Variants in C5orf24 observed in about 807,000 individuals in gnomAD.
C5orf24 encodes the protein UPF0461 protein C5orf24.
C5orf24 carries 4 observed loss-of-function variants against 9.8 expected under a neutral mutation model. The ratio of observed to expected loss-of-function variants is 0.41; its 90% CI spans 0.20 to 0.93. The LOEUF is 0.93. Ranked by LOEUF, C5orf24 falls within the 40% of genes least tolerant of loss-of-function variation. The pLI is 0.33. For missense variants in C5orf24, 170 were observed against 236.9 expected, an observed-to-expected ratio of 0.72 and a Z score of 1.85; for synonymous variants, 73 against 81.3, an observed-to-expected ratio of 0.90 and a Z score of 0.55.
Position 134,856,085 on chromosome 5 carries a change from T to A in C5orf24, c.*618T>A, listed in dbSNP as rs1756302781. 1 of 1,000,560 alleles carries A rather than the reference T, an allele frequency of 1.0e-6. No homozygotes were observed. Among genetic ancestry groups the A allele is most frequent in the African/African-American group, 1.7e-5 (1 of 57,268 alleles). 62.0% of individuals were successfully genotyped at this position (1,000,560 alleles called of 1,614,324 possible). On this transcript the variant is annotated 3_prime_UTR_variant, in exon 2 of 2. Coordinates refer to ENST00000394976, the MANE Select transcript of C5orf24 (RefSeq NM_001135586.1). Reference sequence around the variant, plus strand: ...ATTGATTTAACCATTATACCTGAAATAATTCTTCAGTGTTTGCCTTTGAGC... The same window carrying A: ...ATTGATTTAACCATTATACCTGAAAAAATTCTTCAGTGTTTGCCTTTGAGC...
chr5:134,840,855 T>C (rs892141844), upstream of C5orf24, among the ~76,000 whole-genome samples: 1 of 152,202 alleles, frequency 6.6e-6, no homozygotes, highest in African/African-American at 2.4e-5. Context: ...ATCTGAGCCT[T>C]GGTATCCAGA....
At chr5:134,849,527 C>G (rs183638483) in intron 1 of C5orf24, among the ~76,000 whole-genome samples, 1 of 151,738 alleles carries the variant, frequency 6.6e-6, no homozygotes, top group Non-Finnish European at 1.5e-5. Flanking sequence ...ATATTAAATT[C>G]CTTGTCCAGC....
At chr5:134,838,294 AT>A in the C5orf24 span, among the ~76,000 whole-genome samples, 1 of 152,228 alleles carries the variant, frequency 6.6e-6, no homozygotes, top group Non-Finnish European at 1.5e-5. Flanking sequence ...GAAAAATGTT[AT>A]ATTGAGTTCA....
At chr5:134,843,540 G>A (rs931020833), upstream of C5orf24, among the ~76,000 whole-genome samples, 5 of 151,854 alleles carry the variant, frequency 3.3e-5, no homozygotes, top group East Asian at 1.9e-4. Flanking sequence ...CGATCCTCCC[G>A]CCTCAGCCTA....
upstream of C5orf24, among the ~76,000 whole-genome samples, chr5:134,841,224 C>G (rs1461481285): frequency 6.6e-6 from 1 of 151,782 alleles, no homozygotes; most frequent in Non-Finnish European, 1.5e-5. Context: ...GTAAAAATAA[C>G]GTTTGTAGTT....
At chr5:134,850,159 T>C (rs1384866209) in intron 1 of C5orf24, among the ~76,000 whole-genome samples, 1 of 152,102 alleles carries the variant, frequency 6.6e-6, no homozygotes, top group Admixed American at 6.5e-5. Flanking sequence ...TTTTTGTTTG[T>C]TTTCTTTGAG....
chr5:134,850,046 C>T (rs564833072), intron 1 of C5orf24, among the ~76,000 whole-genome samples: 1 of 152,078 alleles, frequency 6.6e-6, no homozygotes, highest in South Asian at 2.1e-4. Flanking sequence ...TGGAGTTGGC[C>T]CTCAATAAAT....
chr5:134,842,763 A>C (rs1467136982), upstream of C5orf24, among the ~76,000 whole-genome samples: 1 of 152,138 alleles, frequency 6.6e-6, no homozygotes, highest in Non-Finnish European at 1.5e-5. Context: ...TCTCCAGACT[A>C]AAGTGGCATT....
chr5:134,834,160 C>G, the C5orf24 span, among the ~76,000 whole-genome samples: 28 of 152,290 alleles, frequency 1.8e-4, no homozygotes, highest in African/African-American at 5.5e-4. Context: ...ATATTAGTCT[C>G]TCTTCACAAC....
At chr5:134,845,025 C>G (rs922012640), upstream of C5orf24, among the ~76,000 whole-genome samples, 3 of 152,202 alleles carry the variant, frequency 2.0e-5, no homozygotes, top group Admixed American at 6.5e-5. Flanking sequence ...CGTGAGCCAC[C>G]GCACCCAGGC....
At chr5:134,849,533 C>T (rs1756096805) in intron 1 of C5orf24, among the ~76,000 whole-genome samples, 1 of 151,596 alleles carries the variant, frequency 6.6e-6, no homozygotes, top group African/African-American at 2.4e-5. Context: ...AATTCCTTGT[C>T]CAGCTTGTTT....
the C5orf24 span, among the ~76,000 whole-genome samples, chr5:134,836,521 T>C: frequency 6.6e-6 from 1 of 151,896 alleles, no homozygotes; most frequent in South Asian, 2.1e-4. Flanking sequence ...AATTTTACTT[T>C]GTGTAAGGTT....
chr5:134,856,306 G>A lies in C5orf24; in HGVS notation c.*839G>A. On this transcript the variant is annotated 3_prime_UTR_variant, in exon 2 of 2. Coordinates refer to ENST00000394976, the MANE Select transcript of C5orf24 (RefSeq NM_001135586.1). ...TTCTCTAGGTTTGCATGTAGCTATAGTCACTATATTTTGCCTTTCATATAG... is the reference window on the plus strand; with the variant it reads ...TTCTCTAGGTTTGCATGTAGCTATAATCACTATATTTTGCCTTTCATATAG... 3 of 993,636 alleles carry A rather than the reference G, an allele frequency of 3.0e-6. No individual in the cohort carries two copies. Among genetic ancestry groups the A allele is most frequent in the Non-Finnish European group, 2.4e-6 (2 of 824,310 alleles). 61.6% of individuals were successfully genotyped at this position (993,636 alleles called of 1,614,324 possible).
rs908047378 is a variant in C5orf24 at position 134,858,337 on chromosome 5, A to G, written c.*2870A>G. ...GTGATAACATGAATGAAGTCTTAAA[A>G]TTTAAAGTATTTTTACTGCTATATA... On this transcript the variant is annotated 3_prime_UTR_variant, in exon 2 of 2. Coordinates refer to ENST00000394976, the MANE Select transcript of C5orf24 (RefSeq NM_001135586.1). The G allele has an allele frequency of 2.4e-5, 4 of 167,088 alleles. No homozygotes were observed. Among genetic ancestry groups the G allele is most frequent in the Admixed American group, 2.0e-4 (3 of 15,280 alleles). 10.4% of individuals were successfully genotyped at this position (167,088 alleles called of 1,614,324 possible). A position where few individuals can be genotyped will look rare whatever the true frequency, so the allele number is the denominator to read the frequency against.
In C5orf24 at chr5:134,856,060, A is replaced by T. The variant is rs1756302178; in HGVS notation, c.*593A>T. 4 of 1,000,966 alleles carry T rather than the reference A, an allele frequency of 4.0e-6. No homozygotes were observed. In the South Asian group the frequency reaches 1.9e-4, roughly 47 times the overall value. 62.0% of individuals were successfully genotyped at this position (1,000,966 alleles called of 1,614,324 possible). ...TAATTTATTGATCTACATGGCATTAATTGATTTAACCATTATACCTGAAAT... is the reference window on the plus strand; with the variant it reads ...TAATTTATTGATCTACATGGCATTATTTGATTTAACCATTATACCTGAAAT... On this transcript the variant is annotated 3_prime_UTR_variant, in exon 2 of 2. Transcript: ENST00000394976.
chr5:134,854,862 G>A, intron 1 of C5orf24, 36 bp from the exon 2 acceptor site: 1 of 1,599,882 alleles, frequency 6.3e-7, no homozygotes, highest in Non-Finnish European at 8.5e-7. Flanking sequence ...ATTTGTGTGT[G>A]TGTATTTATA....
chr5:134,849,325 G>C (rs942403677), intron 1 of C5orf24, among the ~76,000 whole-genome samples: 1 of 152,110 alleles, frequency 6.6e-6, no homozygotes, highest in African/African-American at 2.4e-5. Flanking sequence ...ATGGAGTGCA[G>C]GGTTAAGCTC....
At chr5:134,847,754 A>G (rs1486490398) in intron 1 of C5orf24, among the ~76,000 whole-genome samples, 2 of 148,342 alleles carry the variant, frequency 1.3e-5, no homozygotes, top group African/African-American at 5.0e-5. Context: ...AGGCTGGAGT[A>G]CAGTGGCACG....
rs914033310 is a variant in C5orf24 at position 134,845,977 on chromosome 5, G to T, written c.-239G>T. The T allele has an allele frequency of 2.0e-5, 3 of 152,236 alleles. No individual in the cohort carries two copies. The highest frequency in any genetic ancestry group is 4.4e-5 in the Non-Finnish European group (3 of 68,058). 9.4% of individuals were successfully genotyped at this position (152,236 alleles called of 1,614,324 possible). A position where few individuals can be genotyped will look rare whatever the true frequency, so the allele number is the denominator to read the frequency against. On this transcript the variant is annotated 5_prime_UTR_variant, in exon 1 of 2. In the 5' UTR this introduces an upstream ATG that the reference lacks. Transcript: ENST00000394976. Reference sequence around the variant, plus strand: ...CGCGCACGCCGCCTCTAACACTACAGGGTGGTAGCGGCCTCTTCGTACTGC... The same window carrying T: ...CGCGCACGCCGCCTCTAACACTACATGGTGGTAGCGGCCTCTTCGTACTGC...
Sources: allele counts gnomAD v4.1 joint callset (sites outside exome capture counted in the v4.1 genomes callset), GRCh38; gene constraint gnomAD v4.1.1; transcripts MANE v1.5; gene names NCBI Gene and HGNC (gene_info 2026-07-23, HGNC 2026-07-21).